GRIN3A: variants seen among roughly 807,000 people sequenced by gnomAD.
The protein encoded by GRIN3A is glutamate receptor ionotropic, NMDA 3A.
Under a neutral mutation model 92.4 loss-of-function variants are expected in GRIN3A, and 47 were observed. The observed-to-expected ratio is 0.51, with a 90% CI of 0.40 to 0.65. The LOEUF is 0.65. GRIN3A is among the 30% of genes least tolerant of loss of function. The pLI is 0.00. For missense variants in GRIN3A, 1,324 were observed against 1,393.1 expected, an observed-to-expected ratio of 0.95 and a Z score of 0.79; for synonymous variants, 527 against 540.6, an observed-to-expected ratio of 0.97 and a Z score of 0.35.
At chr9:101,696,141 G>C (rs565389128) in intron 1 of GRIN3A, among the ~76,000 whole-genome samples, 57 of 152,262 alleles carry the variant, frequency 3.7e-4, no homozygotes, top group Non-Finnish European at 6.8e-4. Context: ...TTAGAGATCC[G>C]GACTCTTGTC....
chr9:101,656,800 A>T (rs956792350), intron 3 of GRIN3A, among the ~76,000 whole-genome samples: 2 of 151,912 alleles, frequency 1.3e-5, no homozygotes, highest in African/African-American at 2.4e-5. Flanking sequence ...AAGACAAGGA[A>T]AAAGTCAGTG....
chr9:101,585,124 C>T (rs990590165), intron 6 of GRIN3A, among the ~76,000 whole-genome samples: 3 of 152,142 alleles, frequency 2.0e-5, no homozygotes, highest in African/African-American at 7.2e-5. Context: ...CAAACAATTC[C>T]TGTAAAAGTA....
At chr9:101,703,913 A>G (rs1829782734) in intron 1 of GRIN3A, among the ~76,000 whole-genome samples, 2 of 152,120 alleles carry the variant, frequency 1.3e-5, no homozygotes, top group Admixed American at 1.3e-4. Flanking sequence ...TCTCTTCATC[A>G]ACATCTCCAT....
chr9:101,638,321 T>C (rs1828810704), intron 3 of GRIN3A, among the ~76,000 whole-genome samples: 1 of 152,218 alleles, frequency 6.6e-6, no homozygotes, highest in Non-Finnish European at 1.5e-5. Flanking sequence ...TCTATCTCTT[T>C]GTTTCTTTTC....
At chr9:101,724,844 C>T (rs1446910835) in intron 1 of GRIN3A, among the ~76,000 whole-genome samples, 2 of 152,208 alleles carry the variant, frequency 1.3e-5, no homozygotes, top group Non-Finnish European at 2.9e-5. Flanking sequence ...TCCTTTTCTT[C>T]CCAGTCTTGG....
intron 5 of GRIN3A, among the ~76,000 whole-genome samples, chr9:101,623,117 T>C (rs1020988764): frequency 2.6e-5 from 4 of 152,054 alleles, no homozygotes; most frequent in Non-Finnish European, 5.9e-5. Flanking sequence ...CCCCTAAAAA[T>C]TGGATAAGTA....
intron 1 of GRIN3A, among the ~76,000 whole-genome samples, chr9:101,707,482 C>T (rs142764608): frequency 6.6e-6 from 1 of 152,256 alleles, no homozygotes; most frequent in Admixed American, 6.5e-5. Context: ...CCTGGTAATG[C>T]CTTCTTCATA....
At chr9:101,642,574 T>C (rs1319639630) in intron 3 of GRIN3A, among the ~76,000 whole-genome samples, 5 of 152,136 alleles carry the variant, frequency 3.3e-5, no homozygotes, top group Non-Finnish European at 7.4e-5. Flanking sequence ...TTGCAAGCCA[T>C]ATACCCAAGC....
At chr9:101,611,113 A>G (rs1004540162) in intron 6 of GRIN3A, among the ~76,000 whole-genome samples, 4 of 149,238 alleles carry the variant, frequency 2.7e-5, no homozygotes, top group Admixed American at 6.7e-5. Context: ...AAAAAAAAAA[A>G]CCAACCAACC....
In GRIN3A at chr9:101,570,324, G is replaced by C. The variant is rs550377115; in HGVS notation, c.*2850C>G. The C allele has an allele frequency of 1.3e-5, 2 of 152,038 alleles. No individual in the cohort carries two copies. The highest frequency in any genetic ancestry group is 2.9e-5 in the Non-Finnish European group (2 of 68,012). The allele number at this position is 152,038 out of a possible 1,614,324, so 9.4% of individuals were successfully genotyped here. A position where few individuals can be genotyped will look rare whatever the true frequency, so the allele number is the denominator to read the frequency against. The stretch of plus-strand genomic sequence containing the variant: ...CTCTATCTGAAGGCTTCTGATCTTT[G>C]TGTTTTTTTTGAGCCTCAAAGGAGT... On this transcript the variant is annotated 3_prime_UTR_variant, in exon 9 of 9. Transcript: ENST00000361820.
At position 101,723,853 on chromosome 9, in the gene GRIN3A, G is replaced by A. The variant is rs941154277; in HGVS notation, c.699+13428C>T. ...AACCTTGAGCTAGATACAGAGTGCCGATTGGTGTATTTACAATCCCTGGAC... is the reference window on the plus strand; with the variant it reads ...AACCTTGAGCTAGATACAGAGTGCCAATTGGTGTATTTACAATCCCTGGAC... On this transcript the variant is annotated intron_variant, in intron 1 of 8. Transcript: ENST00000361820. Among the ~76,000 whole-genome samples, 7 of 151,328 alleles carry A rather than the reference G, an allele frequency of 4.6e-5. No homozygotes were observed. The South Asian group carries it at 6.3e-4, about 14-fold the overall frequency.
chr9:101,734,894 C>T (rs183511780), intron 1 of GRIN3A, among the ~76,000 whole-genome samples: 2 of 151,904 alleles, frequency 1.3e-5, no homozygotes, highest in Admixed American at 1.3e-4. Context: ...GGGCAGTAGA[C>T]TCCGAGGATG....
At chr9:101,683,740 T>C (rs1181462379) in intron 2 of GRIN3A, among the ~76,000 whole-genome samples, 1 of 151,886 alleles carries the variant, frequency 6.6e-6, no homozygotes, top group Admixed American at 6.6e-5. Flanking sequence ...GCTTCAAACC[T>C]CACAATCTTC....
chr9:101,676,518 G>A (rs1342200731), intron 2 of GRIN3A, among the ~76,000 whole-genome samples: 2 of 151,720 alleles, frequency 1.3e-5, no homozygotes. Context: ...TTCCCCCGAG[G>A]AATGAGGGAT....
rs528392686 is a variant in GRIN3A at position 101,738,220 on chromosome 9, C to A, written c.-241G>T. On this transcript the variant is annotated 5_prime_UTR_variant, in exon 1 of 9. Coordinates refer to ENST00000361820, the MANE Select transcript of GRIN3A (RefSeq NM_133445.3). Reference sequence around the variant, plus strand: ...ATCCTCTGCCCGCCCGGTCACTGCGCTGAGCAGGCAGGCGGGCGGGCCGGC... The same window carrying A: ...ATCCTCTGCCCGCCCGGTCACTGCGATGAGCAGGCAGGCGGGCGGGCCGGC... The A allele has an allele frequency of 7.1e-6, 4 of 565,684 alleles. No homozygotes were observed. Among genetic ancestry groups the A allele is most frequent in the African/African-American group, 1.9e-5 (1 of 51,484 alleles). The allele number at this position is 565,684 out of a possible 1,614,324, so 35.0% of individuals were successfully genotyped here.
intron 6 of GRIN3A, among the ~76,000 whole-genome samples, chr9:101,596,421 C>A: frequency 6.6e-6 from 1 of 152,130 alleles, no homozygotes; most frequent in East Asian, 1.9e-4. Context: ...TGCATATAAG[C>A]CTATTGAATT....
At chr9:101,597,268 A>T (rs527949927) in intron 6 of GRIN3A, among the ~76,000 whole-genome samples, 2 of 152,162 alleles carry the variant, frequency 1.3e-5, no homozygotes, top group African/African-American at 4.8e-5. Flanking sequence ...GACATGGCTT[A>T]TAACATATGG....
intron 3 of GRIN3A, among the ~76,000 whole-genome samples, chr9:101,647,127 G>A (rs891199888): frequency 6.6e-6 from 1 of 151,894 alleles, no homozygotes; most frequent in Non-Finnish European, 1.5e-5. Context: ...TACTAGCTGC[G>A]AGTCTGTCAT....
intron 1 of GRIN3A, among the ~76,000 whole-genome samples, chr9:101,706,237 A>G (rs943244479): frequency 6.6e-6 from 1 of 152,216 alleles, no homozygotes; most frequent in African/African-American, 2.4e-5. Flanking sequence ...GAGGTGCCTC[A>G]TTGACAATTT....
Sources: gnomAD v4.1 joint callset for allele counts (sites outside exome capture counted in the v4.1 genomes callset) on GRCh38, gnomAD v4.1.1 for gene constraint, MANE v1.5 for transcripts, NCBI Gene and HGNC (gene_info 2026-07-23, HGNC 2026-07-21) for gene names.